Variants in PLCXD2 observed in about 807,000 individuals in gnomAD.
The protein encoded by PLCXD2 is phosphatidylinositol specific phospholipase C X domain containing 2, also known as PI-PLC X domain-containing protein 2.
Under a neutral mutation model 28.6 loss-of-function variants are expected in PLCXD2, and 21 were observed. The ratio of observed to expected loss-of-function variants is 0.73; its 90% confidence interval spans 0.52 to 1.06. The LOEUF (loss-of-function observed/expected upper bound fraction) is 1.06. Ranked by LOEUF, PLCXD2 falls within the 50% of genes least tolerant of loss-of-function variation. The pLI, the probability that PLCXD2 is intolerant of heterozygous loss-of-function variation, is 0.00. For missense variants in PLCXD2, 369 were observed against 376.7 expected (o/e 0.98, Z 0.17); for synonymous variants, 140 against 150.1 (o/e 0.93, Z 0.49).
chr3:111,682,873 A>G (rs560085634), intron 1 of PLCXD2, among the ~76,000 whole-genome samples: 7 of 152,336 alleles, frequency 4.6e-5, no homozygotes, highest in African/African-American at 1.7e-4. Context: ...CTAAAAATAT[A>G]TGTCAGTGCC....
At chr3:111,686,916 A>C (rs1251158529) in intron 1 of PLCXD2, among the ~76,000 whole-genome samples, 1 of 152,140 alleles carries the variant, frequency 6.6e-6, no homozygotes, top group Non-Finnish European at 1.5e-5. Flanking sequence ...CTCAAGCTAG[A>C]AGGAAAAAGG....
intron 1 of PLCXD2, among the ~76,000 whole-genome samples, chr3:111,703,494 C>T (rs1293898453): frequency 6.6e-6 from 1 of 152,072 alleles, no homozygotes; most frequent in African/African-American, 2.4e-5. Flanking sequence ...GGCTCAACAC[C>T]AACAAGAGAA....
Position 111,675,353 on chromosome 3 carries a change from G to A in PLCXD2, c.108G>A (p.Met36Ile). ...CGGAGGTCTGCAATGCCGACTGGAT[G>A]GCCTCGCTCCCCCCTCACCTCCACA... Residue 36 changes from methionine (M) to isoleucine (I), a missense_variant, in exon 1 of 5, where the codon ATG (methionine) becomes ATA (isoleucine). By Grantham distance (10) the Met-to-Ile change is conservative. Transcript: ENST00000477665. The A allele has an allele frequency of 6.2e-7, 1 of 1,614,106 alleles. No homozygotes were observed. Among genetic ancestry groups the A allele is most frequent in the Non-Finnish European group, 8.5e-7 (1 of 1,180,008 alleles).
At chr3:111,713,746 A>G (rs1941231345) in intron 2 of PLCXD2, 141 bp from the exon 3 acceptor site, 8 of 877,592 alleles carry the variant, frequency 9.1e-6, no homozygotes, top group Non-Finnish European at 1.3e-5. Flanking sequence ...TCCTAAAAAT[A>G]TATATTAATA....
chr3:111,684,249 G>A (rs1234385120), intron 1 of PLCXD2, among the ~76,000 whole-genome samples: 1 of 150,536 alleles, frequency 6.6e-6, no homozygotes, highest in Non-Finnish European at 1.5e-5. Flanking sequence ...AGAATCGCTT[G>A]AACCCGGGAG....
At chr3:111,700,476 T>C (rs985137654) in intron 1 of PLCXD2, among the ~76,000 whole-genome samples, 23 of 152,202 alleles carry the variant, frequency 1.5e-4, no homozygotes, top group African/African-American at 5.5e-4. Context: ...TACTGCTATA[T>C]ATGGAATAGT....
chr3:111,696,546 GT>G (rs572646894), intron 1 of PLCXD2, among the ~76,000 whole-genome samples: 1 of 152,002 alleles, frequency 6.6e-6, no homozygotes, highest in East Asian at 1.9e-4. Context: ...GCCGCACCTG[GT>G]TTTTTTGCAA....
At chr3:111,718,625 A>G (rs1262700712) in intron 3 of PLCXD2, among the ~76,000 whole-genome samples, 2 of 152,138 alleles carry the variant, frequency 1.3e-5, no homozygotes, top group East Asian at 3.8e-4. Context: ...TAGTTATGGT[A>G]AGAGAAAAAG....
At chr3:111,677,499 A>G (rs538925572) in intron 1 of PLCXD2, 1 of 152,336 alleles carries the variant, frequency 6.6e-6, no homozygotes, top group Admixed American at 6.5e-5. Flanking sequence ...GCTATTATGT[A>G]CTGAGCACTA....
intron 1 of PLCXD2, among the ~76,000 whole-genome samples, chr3:111,696,023 T>C (rs1431343478): frequency 6.6e-6 from 1 of 152,180 alleles, no homozygotes; most frequent in Non-Finnish European, 1.5e-5. Context: ...GGTTGACATC[T>C]CTGAAACCCT....
intron 3 of PLCXD2, among the ~76,000 whole-genome samples, chr3:111,719,250 T>C (rs6768082): frequency 0.97 from 148,031 of 152,274 alleles, 71,975 homozygotes; most frequent in East Asian, 1. Flanking sequence ...AATTAGAATC[T>C]GTAAAAATTA....
chr3:111,683,056 G>A (rs1196164350), intron 1 of PLCXD2, among the ~76,000 whole-genome samples: 1 of 152,150 alleles, frequency 6.6e-6, no homozygotes, highest in Non-Finnish European at 1.5e-5. Context: ...TGCTCTTCCT[G>A]AAAATATGAC....
intron 2 of PLCXD2, among the ~76,000 whole-genome samples, chr3:111,709,904 A>T (rs1356157889): frequency 6.6e-6 from 1 of 152,156 alleles, no homozygotes; most frequent in East Asian, 1.9e-4. Flanking sequence ...TCTTAATAAG[A>T]TCTCTCCGGT....
intron 3 of PLCXD2, among the ~76,000 whole-genome samples, chr3:111,714,705 C>T (rs1019218074): frequency 6.6e-6 from 1 of 152,094 alleles, no homozygotes; most frequent in Admixed American, 6.5e-5. Flanking sequence ...TTCCTTATCC[C>T]GGACACCAAT....
At chr3:111,689,274 T>G (rs1940840971) in intron 1 of PLCXD2, among the ~76,000 whole-genome samples, 1 of 152,088 alleles carries the variant, frequency 6.6e-6, no homozygotes, top group Non-Finnish European at 1.5e-5. Flanking sequence ...AAGGGCACCT[T>G]CAGGAAACAG....
chr3:111,712,262 G>A (rs931431120), intron 2 of PLCXD2, among the ~76,000 whole-genome samples: 3 of 152,196 alleles, frequency 2.0e-5, no homozygotes, highest in African/African-American at 7.2e-5. Flanking sequence ...CCAAGGCAGA[G>A]TAAAGAATGG....
chr3:111,719,898 T>A (rs1221540054), intron 3 of PLCXD2, among the ~76,000 whole-genome samples: 1 of 152,218 alleles, frequency 6.6e-6, no homozygotes, highest in Non-Finnish European at 1.5e-5. Context: ...GTAAACTTTA[T>A]GTTAAAAGAA....
intron 1 of PLCXD2, among the ~76,000 whole-genome samples, chr3:111,700,679 T>G (rs759365033): frequency 1.1e-4 from 17 of 152,208 alleles, no homozygotes; most frequent in Non-Finnish European, 2.1e-4. Flanking sequence ...TATGTGTATT[T>G]CAGGACTGTA....
intron 3 of PLCXD2, among the ~76,000 whole-genome samples, chr3:111,719,436 C>T (rs866766402): frequency 1.8e-4 from 28 of 152,158 alleles, no homozygotes; most frequent in Middle Eastern, 3.4e-3. Context: ...AAGAATTGAA[C>T]AGATAACAGT....
Sources: gnomAD v4.1 joint callset for allele counts (sites outside exome capture counted in the v4.1 genomes callset) on GRCh38, gnomAD v4.1.1 for gene constraint, MANE v1.5 for transcripts, NCBI Gene and HGNC (gene_info 2026-07-23, HGNC 2026-07-21) for gene names.